NUS1: variants seen among roughly 807,000 people sequenced by gnomAD.
NUS1 encodes the protein NUS1 dehydrodolichyl diphosphate synthase subunit.
For missense variants in NUS1, 292 were observed against 382.9 expected, an observed-to-expected ratio of 0.76 and a Z score of 1.98; for synonymous variants, 135 against 155.2, an observed-to-expected ratio of 0.87 and a Z score of 0.97.
intron 1 of NUS1, among the ~76,000 whole-genome samples, chr6:117,690,507 G>A (rs1372731860): frequency 6.6e-6 from 1 of 152,052 alleles, no homozygotes; most frequent in Non-Finnish European, 1.5e-5. Flanking sequence ...ACTGTGGTTG[G>A]CCCTGGTGAG....
intron 3 of NUS1, among the ~76,000 whole-genome samples, chr6:117,702,701 G>C (rs1033308088): frequency 1.3e-5 from 2 of 152,034 alleles, no homozygotes; most frequent in Non-Finnish European, 2.9e-5. Context: ...CACTCTACCA[G>C]TATGGACTTT....
At chr6:117,690,380 T>C (rs1424596748) in intron 1 of NUS1, among the ~76,000 whole-genome samples, 1 of 152,224 alleles carries the variant, frequency 6.6e-6, no homozygotes, top group Non-Finnish European at 1.5e-5. Context: ...TTCTTGTGTA[T>C]ATGGCTGTCC....
Position 117,694,188 on chromosome 6 carries a change from T to G in NUS1, c.691+8T>G. 2 of 1,515,612 alleles carry G rather than the reference T, an allele frequency of 1.3e-6. No homozygotes were observed. The highest frequency in any genetic ancestry group is 1.4e-5 in the African/African-American group (1 of 71,224). The allele number at this position is 1,515,612 out of a possible 1,614,324, so 93.9% of individuals were successfully genotyped here. A position where few individuals can be genotyped will look rare whatever the true frequency, so the allele number is the denominator to read the frequency against. ...CGTTAGCCAGTTTACTTAGTAAGTT[T>G]TTTTATATATATATACATATATATG... is the stretch of plus-strand genomic sequence containing the variant. On this transcript the variant is annotated splice_region_variant and intron_variant, in intron 3 of 4. Transcript: ENST00000368494.
In NUS1 at chr6:117,684,626, A is replaced by G. The variant is rs1019286614; in HGVS notation, c.416-8416A>G. ...TGTAGTTGGAATGCTTTCGAAATTC[A>G]TTACCAAGGCCCACAGGCCCCTTCA... is the stretch of plus-strand genomic sequence containing the variant. On this transcript the variant is annotated intron_variant, in intron 1 of 4. Transcript: ENST00000368494. Among the ~76,000 whole-genome samples the G allele has an allele frequency of 2.6e-5, 4 of 152,304 alleles. No homozygotes were observed. In the East Asian group the frequency reaches 5.8e-4, roughly 22 times the overall value.
chr6:117,690,979 CAAAAAAAAA>C (rs71736900), intron 1 of NUS1, among the ~76,000 whole-genome samples: 1 of 73,294 alleles, frequency 1.4e-5, no homozygotes, highest in Non-Finnish European at 2.4e-5. Flanking sequence ...GAGTCTGTCT[CAAAAAAAAA>C]AAAAAAAAAA....
chr6:117,692,376 A>G (rs1016505686), intron 1 of NUS1, among the ~76,000 whole-genome samples: 1 of 151,950 alleles, frequency 6.6e-6, no homozygotes, highest in African/African-American at 2.4e-5. Context: ...AGCTCTTACT[A>G]GTTTTACATT....
intron 1 of NUS1, among the ~76,000 whole-genome samples, chr6:117,691,524 C>T (rs1370196251): frequency 7.0e-6 from 1 of 143,406 alleles, no homozygotes; most frequent in African/African-American, 2.6e-5. Flanking sequence ...CATTTGTATA[C>T]AGTATATTCA....
chr6:117,693,013 T>G, intron 1 of NUS1, 29 bp from the exon 2 acceptor site: 4 of 1,574,592 alleles, frequency 2.5e-6, no homozygotes, highest in Non-Finnish European at 3.5e-6. Flanking sequence ...AACCTAGTTG[T>G]GTTTTACTTG....
chr6:117,701,393 C>T (rs147958994), intron 3 of NUS1, among the ~76,000 whole-genome samples: 4,731 of 151,750 alleles, frequency 0.031, 72 homozygotes, highest in South Asian at 0.067. Context: ...TACAGGCGCC[C>T]GCCACCGCGC....
intron 4 of NUS1, among the ~76,000 whole-genome samples, chr6:117,705,399 A>G (rs1282575751): frequency 6.6e-6 from 1 of 152,212 alleles, no homozygotes; most frequent in Non-Finnish European, 1.5e-5. Context: ...GACTTTGGCA[A>G]GTTATTTAAA....
At position 117,707,082 on chromosome 6, in the gene NUS1, A is replaced by G. The variant is rs1195838158; in HGVS notation, c.*67A>G. Reference sequence around the variant, plus strand: ...AAGGAACCAAGTGACTCTGATGTTTACAAAGCACCTATGAAACCCTGTACA... The same window carrying G: ...AAGGAACCAAGTGACTCTGATGTTTGCAAAGCACCTATGAAACCCTGTACA... On this transcript the variant is annotated 3_prime_UTR_variant, in exon 5 of 5. Coordinates refer to ENST00000368494, the MANE Select transcript of NUS1 (RefSeq NM_138459.5). The G allele has an allele frequency of 2.6e-5, 35 of 1,367,540 alleles. No homozygotes were observed. Among genetic ancestry groups the G allele is most frequent in the Non-Finnish European group, 3.4e-5 (33 of 959,866 alleles). The allele number at this position is 1,367,540 out of a possible 1,614,324, so 84.7% of individuals were successfully genotyped here.
chr6:117,702,159 C>G (rs1023736021), intron 3 of NUS1, among the ~76,000 whole-genome samples: 1 of 152,138 alleles, frequency 6.6e-6, no homozygotes, highest in Non-Finnish European at 1.5e-5. Context: ...AAATTTCTTG[C>G]CATTGTATTA....
In NUS1 at chr6:117,707,821, T is replaced by G. The variant is rs1425722859; in HGVS notation, c.*806T>G. Reference sequence around the variant, plus strand: ...AAAATTTAAACATTGGATTAGGCAGTCAAAAAAACCAAGCAAGCATAAAAG... The same window carrying G: ...AAAATTTAAACATTGGATTAGGCAGGCAAAAAAACCAAGCAAGCATAAAAG... On this transcript the variant is annotated 3_prime_UTR_variant, in exon 5 of 5. Transcript: ENST00000368494. 6.6e-6 allele frequency: 1 copy of G among 152,568 alleles called. No homozygotes were observed. Among genetic ancestry groups the G allele is most frequent in the African/African-American group, 2.4e-5 (1 of 41,426 alleles). 9.5% of individuals were successfully genotyped at this position (152,568 alleles called of 1,614,324 possible).
chr6:117,689,929 G>A (rs761692890), intron 1 of NUS1, among the ~76,000 whole-genome samples: 11 of 152,140 alleles, frequency 7.2e-5, no homozygotes, highest in Non-Finnish European at 1.5e-4. Context: ...ATATAATACA[G>A]ACCAAAGTGT....
At position 117,695,727 on chromosome 6, in the gene NUS1, T is replaced by A. The variant is rs574528044; in HGVS notation, c.691+1547T>A. On this transcript the variant is annotated intron_variant, in intron 3 of 4. Transcript: ENST00000368494. ...TGTGACTGCATTTAGTCCCCACTCC[T>A]GCCCCCTAAACCAGCAACCACTGGT... is the stretch of plus-strand genomic sequence containing the variant. 1.8e-4 allele frequency among the ~76,000 whole-genome samples: 27 copies of A among 152,342 alleles called. No individual in the cohort carries two copies. In the South Asian group the frequency reaches 5.6e-3, roughly 32 times the overall value.
rs576505389 is a variant in NUS1, at chr6:117,710,200, A to G, written c.*3185A>G. 2 of 152,306 alleles carry G rather than the reference A, an allele frequency of 1.3e-5. No homozygotes were observed. The highest frequency in any genetic ancestry group is 4.1e-4 in the South Asian group (2 of 4,830). 9.4% of individuals were successfully genotyped at this position (152,306 alleles called of 1,614,324 possible). On this transcript the variant is annotated 3_prime_UTR_variant, in exon 5 of 5. Coordinates refer to ENST00000368494, the MANE Select transcript of NUS1 (RefSeq NM_138459.5). ...AGTTATGGTTTGTCTTATGCTGCAT[A>G]GACTATTCACCTCCTAACTTGAAGG...
At chr6:117,706,519 A>G (rs939409383) in intron 4 of NUS1, among the ~76,000 whole-genome samples, 2 of 152,336 alleles carry the variant, frequency 1.3e-5, no homozygotes, top group East Asian at 1.9e-4. Context: ...AAAAAGAGGC[A>G]TATTAATTTT....
chr6:117,690,713 TG>T (rs1047877389), intron 1 of NUS1, among the ~76,000 whole-genome samples: 13 of 152,124 alleles, frequency 8.5e-5, no homozygotes, highest in Non-Finnish European at 1.8e-4. Flanking sequence ...TGTTATCGGC[TG>T]GGTGTGGTGG....
chr6:117,681,409 GC>G (rs754231615), intron 1 of NUS1, among the ~76,000 whole-genome samples: 1 of 152,138 alleles, frequency 6.6e-6, no homozygotes, highest in Non-Finnish European at 1.5e-5. Context: ...TCAAAGAAGG[GC>G]CGCATTTCCT....
Sources: allele counts gnomAD v4.1 joint callset (sites outside exome capture counted in the v4.1 genomes callset), GRCh38; gene constraint gnomAD v4.1.1; transcripts MANE v1.5; gene names NCBI Gene and HGNC (gene_info 2026-07-23, HGNC 2026-07-21).